ERICH6B: variants seen among roughly 807,000 people sequenced by gnomAD.
ERICH6B encodes glutamate-rich protein 6B.
In ERICH6B, 69 loss-of-function variants were observed where a neutral mutation model predicts 80.0. The observed-to-expected ratio is 0.86, with a 90% CI of 0.71 to 1.05. The LOEUF is 1.05. Ranked by LOEUF, ERICH6B falls within the 50% of genes least tolerant of loss-of-function variation. The probability of loss-of-function intolerance (pLI) is 0.00; values close to 1 mark genes in which losing one functional copy is unlikely to be tolerated. For missense variants in ERICH6B, 754 were observed against 796.1 expected (o/e 0.95, Z 0.64); for synonymous variants, 283 against 291.9 (o/e 0.97, Z 0.31).
chr13:45,547,978 G>A lies in ERICH6B; in HGVS notation c.1646+1915C>T, dbSNP rs1874056569. Reference sequence around the variant, plus strand: ...ATCTAGAAATGGTCAGAATTGGGAAGTTCCTGCTCAGGGGGTGAAAAGATC... The same window carrying A: ...ATCTAGAAATGGTCAGAATTGGGAAATTCCTGCTCAGGGGGTGAAAAGATC... On this transcript the variant is annotated intron_variant, in intron 13 of 14. Transcript: ENST00000298738. Among the ~76,000 whole-genome samples, 3 of 152,196 alleles carry A rather than the reference G, an allele frequency of 2.0e-5. No homozygotes were observed. The South Asian group carries it at 6.2e-4, about 32-fold the overall frequency.
chr13:45,577,899 C>T (rs542664181), intron 7 of ERICH6B, among the ~76,000 whole-genome samples: 11 of 152,306 alleles, frequency 7.2e-5, no homozygotes, highest in African/African-American at 2.2e-4. Flanking sequence ...AGCCTCTTAA[C>T]ATTTTTCTTG....
intron 9 of ERICH6B, among the ~76,000 whole-genome samples, chr13:45,566,597 C>A: frequency 6.6e-6 from 1 of 152,234 alleles, no homozygotes. Flanking sequence ...GCCTTGGCAG[C>A]TACCACATGA....
chr13:45,576,776 A>G (rs1361218346), intron 7 of ERICH6B, among the ~76,000 whole-genome samples: 1 of 152,184 alleles, frequency 6.6e-6, no homozygotes, highest in African/African-American at 2.4e-5. Flanking sequence ...TTACGGGAAT[A>G]AGGTGAACTG....
intron 14 of ERICH6B, among the ~76,000 whole-genome samples, chr13:45,542,011 A>T (rs915065180): frequency 1.3e-5 from 2 of 152,026 alleles, no homozygotes; most frequent in Admixed American, 1.3e-4. Context: ...GCTTCTCCCC[A>T]TGGGGTCCCG....
At chr13:45,555,481 G>C (rs1302279080) in intron 11 of ERICH6B, 1 of 152,168 alleles carries the variant, frequency 6.6e-6, no homozygotes, top group Non-Finnish European at 1.5e-5. Context: ...CCACAATTGA[G>C]GCCACACTCA....
At chr13:45,576,307 T>C (rs1875401735) in intron 7 of ERICH6B, among the ~76,000 whole-genome samples, 1 of 152,242 alleles carries the variant, frequency 6.6e-6, no homozygotes, top group African/African-American at 2.4e-5. Context: ...CAGAATTCCC[T>C]GGCAATTCTT....
intron 11 of ERICH6B, among the ~76,000 whole-genome samples, chr13:45,554,925 C>T (rs1446926469): frequency 6.6e-6 from 1 of 152,178 alleles, no homozygotes; most frequent in Non-Finnish European, 1.5e-5. Flanking sequence ...GTTTGTAAAA[C>T]AAACAAACAA....
chr13:45,584,922 T>C (rs1389204320), intron 5 of ERICH6B, among the ~76,000 whole-genome samples: 1 of 152,116 alleles, frequency 6.6e-6, no homozygotes, highest in Non-Finnish European at 1.5e-5. Context: ...GCACGGATGG[T>C]TTTCCTGCGT....
rs1457454310 is a variant in ERICH6B at position 45,574,923 on chromosome 13, C to G, written c.969G>C (p.Glu323Asp). 6.4e-7 allele frequency: 1 copy of G among 1,550,904 alleles called. No individual in the cohort carries two copies. ...VQQKKEENVLEFASKENFWDG... is the reference protein window; with the variant it reads ...VQQKKEENVLDFASKENFWDG... Reference sequence around the variant, plus strand: ...CCCAAAAGTTCTCTTTAGAAGCAAACTCCAGGACTTTCGATTTTGGAAGGA... The same window carrying G: ...CCCAAAAGTTCTCTTTAGAAGCAAAGTCCAGGACTTTCGATTTTGGAAGGA... The change falls in exon 8 of 15, where the codon GAG (glutamate) becomes GAC (aspartate). Residue 323 changes from glutamate (E) to aspartate (D), a missense_variant. By Grantham distance (45) the Glu-to-Asp change is conservative. Transcript: ENST00000298738.
chr13:45,582,280 T>C (rs926639348), intron 5 of ERICH6B, among the ~76,000 whole-genome samples: 7 of 152,222 alleles, frequency 4.6e-5, no homozygotes, highest in African/African-American at 1.4e-4. Context: ...CACAGCAGGA[T>C]GAAATCCTCT....
chr13:45,544,166 TG>T (rs2137953024), intron 14 of ERICH6B, among the ~76,000 whole-genome samples: 1 of 152,288 alleles, frequency 6.6e-6, no homozygotes, highest in East Asian at 1.9e-4. Flanking sequence ...TCCGTCTCCC[TG>T]GTTCAAACAA....
intron 11 of ERICH6B, chr13:45,551,491 T>C (rs1874221336): frequency 6.6e-6 from 1 of 152,228 alleles, no homozygotes; most frequent in Non-Finnish European, 1.5e-5. Flanking sequence ...GAAAGCCCCC[T>C]GGCACCCAGT....
intron 2 of ERICH6B, among the ~76,000 whole-genome samples, chr13:45,606,489 T>G (rs1949860376): frequency 8.3e-6 from 1 of 120,134 alleles, no homozygotes; most frequent in Non-Finnish European, 1.6e-5. Context: ...TTGGCTGAGA[T>G]CCCAAAAGTG....
chr13:45,572,174 A>G (rs1875199799), intron 8 of ERICH6B, among the ~76,000 whole-genome samples: 1 of 152,208 alleles, frequency 6.6e-6, no homozygotes, highest in Non-Finnish European at 1.5e-5. Flanking sequence ...AGAACTTTCT[A>G]CCTCACCCTA....
chr13:45,572,474 C>CA (rs1483225511), intron 8 of ERICH6B, among the ~76,000 whole-genome samples: 1 of 152,054 alleles, frequency 6.6e-6, no homozygotes, highest in African/African-American at 2.4e-5. Flanking sequence ...TTGTTTCCCC[C>CA]AAATAAAGTC....
chr13:45,547,927 C>A (rs1180521717), intron 13 of ERICH6B, among the ~76,000 whole-genome samples: 1 of 152,142 alleles, frequency 6.6e-6, no homozygotes, highest in Non-Finnish European at 1.5e-5. Context: ...GGGCTAAGTC[C>A]CCCTTTGGAA....
At chr13:45,615,435 G>A (rs1054881449) in intron 1 of ERICH6B, among the ~76,000 whole-genome samples, 2 of 152,288 alleles carry the variant, frequency 1.3e-5, no homozygotes, top group Admixed American at 1.3e-4. Flanking sequence ...ACCCAACAAC[G>A]GCCTTCACAA....
chr13:45,596,254 TG>T, intron 3 of ERICH6B, 114 bp downstream of exon 3: 1 of 1,292,882 alleles, frequency 7.7e-7, no homozygotes, highest in Non-Finnish European at 1.0e-6. Context: ...TACCATCCTT[TG>T]GGATGCCCTC....
intron 5 of ERICH6B, among the ~76,000 whole-genome samples, chr13:45,583,806 G>A (rs1242211612): frequency 6.6e-6 from 1 of 152,068 alleles, no homozygotes; most frequent in Non-Finnish European, 1.5e-5. Flanking sequence ...TGATTGTGAG[G>A]CCTCCCCAGC....
Sources: gnomAD v4.1 joint callset for allele counts (sites outside exome capture counted in the v4.1 genomes callset) on GRCh38, gnomAD v4.1.1 for gene constraint, MANE v1.5 for transcripts, NCBI Gene and HGNC (gene_info 2026-07-23, HGNC 2026-07-21) for gene names.